Variants in NFKBIA observed in about 807,000 individuals in gnomAD.
NFKBIA encodes the protein NFKB inhibitor alpha.
In NFKBIA, 10 loss-of-function variants were observed where a neutral mutation model predicts 36.3. That is an observed-to-expected ratio of 0.28 (90% CI 0.17 to 0.47). NFKBIA has a LOEUF of 0.47. Ranked by LOEUF, NFKBIA falls within the 20% of genes least tolerant of loss-of-function variation. The pLI is 0.99. For missense variants in NFKBIA, 355 were observed against 399.3 expected (o/e 0.89, Z 0.94); for synonymous variants, 205 against 164.4 (o/e 1.25, Z -1.89).
intron 3 of NFKBIA, 125 bp from the exon 4 acceptor site, chr14:35,402,984 G>A (rs1489891998): frequency 7.9e-6 from 10 of 1,268,576 alleles, no homozygotes; most frequent in East Asian, 2.5e-5. Context: ...GGTTCTGAAA[G>A]AACTTTATAA....
intron 1 of NFKBIA, 66 bp from the exon 2 acceptor site, chr14:35,403,864 G>C (rs1481799215): frequency 1.6e-5 from 19 of 1,188,824 alleles, no homozygotes; most frequent in Non-Finnish European, 2.3e-5. Flanking sequence ...AGGGAGGCGC[G>C]GGCTGCGGGG....
chr14:35,403,448 G>T, intron 2 of NFKBIA, 88 bp from the exon 3 acceptor site: 1 of 1,430,110 alleles, frequency 7.0e-7, no homozygotes, highest in South Asian at 1.2e-5. Context: ...CTGGTTGGGT[G>T]CTGCTCCTCC....
At chr14:35,403,564 A>T in intron 2 of NFKBIA, 126 bp downstream of exon 2, 1 of 870,736 alleles carries the variant, frequency 1.1e-6, no homozygotes, top group Non-Finnish European at 1.9e-6. Context: ...ATGTGGGCTG[A>T]TGTGAAGTAA....
At position 35,404,461 on chromosome 14, in the gene NFKBIA, C is replaced by A; in HGVS notation, c.184G>T (p.Gly62Cys). The change falls in exon 1 of 6, where the codon GGC becomes TGC. Residue 62 changes from glycine to cysteine, a missense_variant. By Grantham distance (159) the Gly-to-Cys change is radical. Coordinates refer to ENST00000216797, the MANE Select transcript of NFKBIA (RefSeq NM_020529.3). ...AGCTGCTGCTTCCAGGGCTCCGAGC[C>A]GCGCGGCACCTCCTGCGGCTCGAGG... ...IRLEPQEVPRGSEPWKQQLTE... is the reference protein window; with the variant it reads ...IRLEPQEVPRCSEPWKQQLTE... 1 of 1,598,964 alleles carries A rather than the reference C, an allele frequency of 6.3e-7. No homozygotes were observed. Among genetic ancestry groups the A allele is most frequent in the Non-Finnish European group, 8.5e-7 (1 of 1,173,496 alleles).
In NFKBIA at chr14:35,402,767, C is replaced by T. The variant is rs754988222; in HGVS notation, c.636+4G>A. 4.9e-5 allele frequency: 79 copies of T among 1,613,898 alleles called. No individual in the cohort carries two copies. Among genetic ancestry groups the T allele is most frequent in the Non-Finnish European group, 6.0e-5 (71 of 1,179,898 alleles). ...TCAGTGCGTCGGGGGCAGGAAGCAC[C>T]AACCTGAGCATTGACATCAGCACCC... On this transcript the variant is annotated splice_donor_region_variant and intron_variant, in intron 4 of 5. Coordinates refer to ENST00000216797, the MANE Select transcript of NFKBIA (RefSeq NM_020529.3).
chr14:35,403,469 G>T, intron 2 of NFKBIA, 109 bp from the exon 3 acceptor site: 2 of 1,239,210 alleles, frequency 1.6e-6, no homozygotes, highest in Non-Finnish European at 2.3e-6. Flanking sequence ...TAGACAGGGG[G>T]GTGGGGAGGG....
At chr14:35,403,087 C>G (rs2052745831) in intron 3 of NFKBIA, 63 bp downstream of exon 3, 1 of 1,568,986 alleles carries the variant, frequency 6.4e-7, no homozygotes, top group African/African-American at 1.4e-5. Context: ...GTTGGCCCAC[C>G]TGCCCCTTCT....
At chr14:35,404,242 G>T (rs2052763586) in intron 1 of NFKBIA, 176 bp downstream of exon 1, 1 of 363,820 alleles carries the variant, frequency 2.7e-6, no homozygotes, top group Non-Finnish European at 4.7e-6. Context: ...GGTGCCCCGC[G>T]CGGCCCTGCA....
chr14:35,402,259 A>C, intron 5 of NFKBIA, 135 bp downstream of exon 5: 2 of 688,396 alleles, frequency 2.9e-6, no homozygotes, highest in Admixed American at 5.1e-5. Context: ...CATTCTTGGG[A>C]TACTGGTTAT....
rs767452313 is a variant in NFKBIA at position 35,403,725 on chromosome 14, G to T, written c.301C>A (p.Leu101Met). The change falls in exon 2 of 6, where the codon CTG becomes ATG. Residue 101 changes from leucine to methionine, a missense_variant. Coordinates refer to ENST00000216797, the MANE Select transcript of NFKBIA (RefSeq NM_020529.3). ...MEVIRQVKGD[L>M]AFLNFQNNLQ... ...TTGTTCTGGAAGTTGAGGAAGGCCA[G>T]GTCTCCCTTCACCTGGCGGATCACT... The T allele has an allele frequency of 9.9e-6, 16 of 1,613,840 alleles. No individual in the cohort carries two copies. Among genetic ancestry groups the T allele is most frequent in the Non-Finnish European group, 1.4e-5 (16 of 1,179,940 alleles).
chr14:35,404,595 C>A lies in NFKBIA; in HGVS notation c.50G>T (p.Arg17Leu). ...TAGCCGCTCCTTCTTCAGCCCGTCG[C>A]GGGGGCCCTCCATGGCCCACTCCTG... is the stretch of plus-strand genomic sequence containing the variant. Reference protein sequence around the residue: ...RPQEWAMEGPRDGLKKERLLD... With the variant: ...RPQEWAMEGPLDGLKKERLLD... The change falls in exon 1 of 6, where the codon CGC (arginine) becomes CTC (leucine). Residue 17 changes from arginine to leucine, a missense_variant. Physicochemically the swap from Arg to Leu is moderately radical, Grantham distance 102 (BLOSUM62 -2). Transcript: ENST00000216797. 1 of 1,577,122 alleles carries A rather than the reference C, an allele frequency of 6.3e-7. No individual in the cohort carries two copies. The highest frequency in any genetic ancestry group is 8.6e-7 in the Non-Finnish European group (1 of 1,163,400).
intron 1 of NFKBIA, 111 bp from the exon 2 acceptor site, chr14:35,403,909 C>A (rs777126720): frequency 1.3e-6 from 1 of 792,066 alleles, no homozygotes; most frequent in Non-Finnish European, 2.2e-6. Flanking sequence ...GAGGCCGAGG[C>A]CGCGGTGTTT....
chr14:35,402,141 G>A (rs2138829897), intron 5 of NFKBIA, 81 bp from the exon 6 acceptor site: 1 of 1,528,656 alleles, frequency 6.5e-7, no homozygotes, highest in Non-Finnish European at 9.1e-7. Context: ...GGCCACTACT[G>A]GAAATAACTC....
In NFKBIA at chr14:35,401,818, G is replaced by A. The variant is rs182929073; in HGVS notation, c.*195C>T. The A allele has an allele frequency of 4.4e-4, 274 of 623,760 alleles. 1 individual carries two copies. The highest frequency in any genetic ancestry group is 3.4e-3 in the South Asian group (168 of 49,048). The allele number at this position is 623,760 out of a possible 1,614,324, so 38.6% of individuals were successfully genotyped here. On this transcript the variant is annotated 3_prime_UTR_variant, in exon 6 of 6. Coordinates refer to ENST00000216797, the MANE Select transcript of NFKBIA (RefSeq NM_020529.3). The stretch of plus-strand genomic sequence containing the variant: ...TCTCAGAATTTCAATGATCTTTCTC[G>A]TCCCCTACAAAAAGTTCACAAAAGC...
At position 35,403,184 on chromosome 14, in the gene NFKBIA, G is replaced by A. The variant is rs1333997779; in HGVS notation, c.513C>T (p.His171=). The change falls in exon 3 of 6, where the codon CAC becomes CAT. Residue 171 remains histidine (H), a synonymous_variant. Coordinates refer to ENST00000216797, the MANE Select transcript of NFKBIA (RefSeq NM_020529.3). ...TGGTAGCCTTCAGGATGGAGTGGAG[G>A]TGCGGGGTGGTGCAGGACTGAGTCA... The part of the protein sequence containing the change: ...GVLTQSCTTP[H]LHSILKATNY... 6.2e-7 allele frequency: 1 copy of A among 1,612,312 alleles called. No individual in the cohort carries two copies. Among genetic ancestry groups the A allele is most frequent in the East Asian group, 2.2e-5 (1 of 44,874 alleles).
chr14:35,404,071 C>T (rs2052760487), intron 1 of NFKBIA: 1 of 479,354 alleles, frequency 2.1e-6, no homozygotes, highest in African/African-American at 2.1e-5. Context: ...CTGCTCGGCG[C>T]CCGCCAGCGG....
chr14:35,401,617 G>C lies in NFKBIA; in HGVS notation c.*396C>G. On this transcript the variant is annotated 3_prime_UTR_variant, in exon 6 of 6. Coordinates refer to ENST00000216797, the MANE Select transcript of NFKBIA (RefSeq NM_020529.3). ...CAGGAGGGTAACACAAACCTTGACA[G>C]GTAGTAACTTTTCACCCCACATCAC... 1 of 326,530 alleles carries C rather than the reference G, an allele frequency of 3.1e-6. No homozygotes were observed. Among genetic ancestry groups the C allele is most frequent in the Non-Finnish European group, 5.7e-6 (1 of 174,872 alleles). The allele number at this position is 326,530 out of a possible 1,614,324, so 20.2% of individuals were successfully genotyped here.
chr14:35,403,423 C>G, intron 2 of NFKBIA, 63 bp from the exon 3 acceptor site: 1 of 1,567,880 alleles, frequency 6.4e-7, no homozygotes, highest in South Asian at 1.1e-5. Flanking sequence ...CCGAGTTCCC[C>G]TCAACCCGTG....
rs70937092 is a variant in NFKBIA at position 35,402,235 on chromosome 14, A to AGTAAGCTATTAAAAAAGGG, written c.906+158_906+159insCCCTTTTTTAATAGCTTAC. Reference sequence around the variant, plus strand: ...CTTTAATGCTTCTCTTTAAAAAAAGAGGGGGGGCAGGTACATTCTTGGGAT... The same window carrying AGTAAGCTATTAAAAAAGGG: ...CTTTAATGCTTCTCTTTAAAAAAAGAGTAAGCTATTAAAAAAGGGGGGGGGGCAGGTACATTCTTGGGAT... On this transcript the variant is annotated intron_variant, in intron 5 of 5. Coordinates refer to ENST00000216797, the MANE Select transcript of NFKBIA (RefSeq NM_020529.3). Among the ~76,000 whole-genome samples, 11 of 148,944 alleles carry AGTAAGCTATTAAAAAAGGG rather than the reference A, an allele frequency of 7.4e-5. No homozygotes were observed. The South Asian group carries it at 1.5e-3, about 20-fold the overall frequency.
Sources: allele counts gnomAD v4.1 joint callset (sites outside exome capture counted in the v4.1 genomes callset), GRCh38; gene constraint gnomAD v4.1.1; transcripts MANE v1.5; gene names NCBI Gene and HGNC (gene_info 2026-07-23, HGNC 2026-07-21).